Variants in MALRD1 observed in about 807,000 individuals in gnomAD.
MALRD1 encodes the protein MAM and LDL receptor class A domain containing 1.
A neutral mutation model predicts 242.1 loss-of-function variants in MALRD1; 247 were observed. That is an observed-to-expected ratio of 1.02 (90% CI 0.92 to 1.13). MALRD1 has a LOEUF of 1.13. Among genes scored for constraint, MALRD1 ranks in the 50% most tolerant of loss-of-function variants. The pLI is 0.00. For missense variants in MALRD1, 2,989 were observed against 2,533.1 expected (o/e 1.18, Z -3.86); for synonymous variants, 995 against 866.6 (o/e 1.15, Z -2.60).
chr10:19,705,074 T>A (rs1395012105), intron 38 of MALRD1, among the ~76,000 whole-genome samples: 3 of 152,206 alleles, frequency 2.0e-5, no homozygotes, highest in African/African-American at 7.2e-5. Context: ...TCTTGAATGG[T>A]TGGCCCTGGC....
At chr10:19,547,813 T>TATAC (rs1212101096) in intron 32 of MALRD1, among the ~76,000 whole-genome samples, 1 of 16,498 alleles carries the variant, frequency 6.1e-5, no homozygotes, top group Admixed American at 6.9e-4. Flanking sequence ...TATATATATA[T>TATAC]ATATATTTTT....
chr10:19,239,098 G>T lies in MALRD1; in HGVS notation c.2992-18586G>T, dbSNP rs1435058238. ...TTTTGAGAAGGAGTCTTGCTCTGTTGCCCAAGCTGGAGTGCAGTGGTGCAG... is the reference window on the plus strand; with the variant it reads ...TTTTGAGAAGGAGTCTTGCTCTGTTTCCCAAGCTGGAGTGCAGTGGTGCAG... On this transcript the variant is annotated intron_variant, in intron 18 of 39. Coordinates refer to ENST00000454679, the MANE Select transcript of MALRD1 (RefSeq NM_001142308.3). Among the ~76,000 whole-genome samples, 10 of 148,266 alleles carry T rather than the reference G, an allele frequency of 6.7e-5. No homozygotes were observed. In the Admixed American group the frequency reaches 6.8e-4, roughly 10 times the overall value.
At chr10:19,156,812 A>T (rs929229639) in intron 12 of MALRD1, among the ~76,000 whole-genome samples, 1 of 151,982 alleles carries the variant, frequency 6.6e-6, no homozygotes, top group Non-Finnish European at 1.5e-5. Context: ...CATTGTTTCC[A>T]CTTGAGGACA....
intron 26 of MALRD1, among the ~76,000 whole-genome samples, chr10:19,362,759 G>C (rs1361369600): frequency 6.6e-6 from 1 of 152,072 alleles, no homozygotes; most frequent in African/African-American, 2.4e-5. Context: ...GAATCTTTTT[G>C]GCTGTAATGT....
chr10:19,733,541 A>G (rs1344995716), intron 39 of MALRD1, among the ~76,000 whole-genome samples: 2 of 152,006 alleles, frequency 1.3e-5, no homozygotes, highest in Admixed American at 6.5e-5. Flanking sequence ...TGTTGTTGCT[A>G]TATTTTAAAA....
At chr10:19,484,418 GT>G (rs975897290) in intron 29 of MALRD1, among the ~76,000 whole-genome samples, 5 of 152,170 alleles carry the variant, frequency 3.3e-5, no homozygotes, top group African/African-American at 1.2e-4. Flanking sequence ...TCAGTTTTCA[GT>G]TTTTTTAAAG....
chr10:19,064,590 T>C (rs1164789508), intron 1 of MALRD1, among the ~76,000 whole-genome samples: 1 of 151,750 alleles, frequency 6.6e-6, no homozygotes, highest in East Asian at 1.9e-4. Context: ...GTTGAGACTA[T>C]TTAGATGAAA....
intron 38 of MALRD1, chr10:19,710,542 C>T (rs559746556): frequency 5.9e-5 from 9 of 152,304 alleles, no homozygotes; most frequent in Non-Finnish European, 1.0e-4. Context: ...TGTGTATACA[C>T]ATGTTTGTGC....
At chr10:19,402,026 A>C (rs1186569318) in intron 28 of MALRD1, among the ~76,000 whole-genome samples, 1 of 152,212 alleles carries the variant, frequency 6.6e-6, no homozygotes, top group Non-Finnish European at 1.5e-5. Context: ...GCCAAAAACT[A>C]CGTGATATCT....
Position 19,486,445 on chromosome 10 carries a change from G to A in MALRD1, c.5030-5072G>A, listed in dbSNP as rs1209723175. On this transcript the variant is annotated intron_variant, in intron 29 of 39. Transcript: ENST00000454679. ...CTGACTCACTGTATTCCATGGGAAA[G>A]TTCTCTTGTACTTGGAATTTCACTA... Among the ~76,000 whole-genome samples, 3 of 152,128 alleles carry A rather than the reference G, an allele frequency of 2.0e-5. No homozygotes were observed. The East Asian group carries it at 5.8e-4, about 29-fold the overall frequency.
intron 21 of MALRD1, among the ~76,000 whole-genome samples, chr10:19,295,221 A>T (rs568421475): frequency 1.3e-5 from 2 of 152,248 alleles, no homozygotes; most frequent in South Asian, 2.1e-4. Flanking sequence ...AAATTATTAC[A>T]AATTATTATT....
intron 31 of MALRD1, among the ~76,000 whole-genome samples, chr10:19,515,847 C>T (rs543936600): frequency 2.0e-5 from 3 of 152,118 alleles, no homozygotes; most frequent in Non-Finnish European, 4.4e-5. Flanking sequence ...GGATTACAGG[C>T]GTGAGCCACC....
intron 14 of MALRD1, among the ~76,000 whole-genome samples, chr10:19,201,037 T>C (rs552572117): frequency 6.6e-6 from 1 of 152,256 alleles, no homozygotes; most frequent in African/African-American, 2.4e-5. Context: ...AAATGAGGAT[T>C]CCGTTGATGA....
chr10:19,131,662 T>C (rs1381275458), intron 8 of MALRD1, among the ~76,000 whole-genome samples: 6 of 152,174 alleles, frequency 3.9e-5, no homozygotes, highest in African/African-American at 1.2e-4. Context: ...CAACATTGAC[T>C]TTGGTACCCT....
At chr10:19,326,721 A>T (rs73593871) in intron 22 of MALRD1, among the ~76,000 whole-genome samples, 3,117 of 152,210 alleles carry the variant, frequency 0.02, 96 homozygotes, top group African/African-American at 0.07. Flanking sequence ...GAATTTAATT[A>T]AAAAAACAGA....
At chr10:19,405,567 A>C (rs950120720) in intron 28 of MALRD1, among the ~76,000 whole-genome samples, 8 of 152,174 alleles carry the variant, frequency 5.3e-5, no homozygotes, top group African/African-American at 1.9e-4. Flanking sequence ...CATCAGTTCA[A>C]AACAAAAACA....
chr10:19,063,762 G>A (rs1391358460), intron 1 of MALRD1, among the ~76,000 whole-genome samples: 1 of 135,384 alleles, frequency 7.4e-6, no homozygotes, highest in Admixed American at 8.4e-5. Context: ...ATGGACACAG[G>A]AAGGGGAACA....
intron 14 of MALRD1, among the ~76,000 whole-genome samples, chr10:19,189,463 G>C (rs943089606): frequency 6.6e-6 from 1 of 152,012 alleles, no homozygotes; most frequent in Admixed American, 6.6e-5. Flanking sequence ...CTTATTCAAT[G>C]AGGCCAGCAT....
At chr10:19,103,923 A>T (rs1240908383) in intron 4 of MALRD1, 56 bp from the exon 5 acceptor site, 1 of 1,033,766 alleles carries the variant, frequency 9.7e-7, no homozygotes. Context: ...ACTGTGAGAC[A>T]GTGATGTTCC....
Sources: allele counts gnomAD v4.1 joint callset (sites outside exome capture counted in the v4.1 genomes callset), GRCh38; gene constraint gnomAD v4.1.1; transcripts MANE v1.5; gene names NCBI Gene and HGNC (gene_info 2026-07-23, HGNC 2026-07-21).